Variants in TENM2 observed in about 807,000 individuals in gnomAD.
The protein encoded by TENM2 is teneurin transmembrane protein 2, also known as teneurin-2.
In TENM2, 52 loss-of-function variants were observed where a neutral mutation model predicts 245.2. That is an observed-to-expected ratio of 0.21 (90% confidence interval 0.17 to 0.27). The LOEUF is 0.27. Among genes scored for constraint, TENM2 ranks in the 10% least tolerant of loss-of-function variants. The pLI is 1.00. For missense variants in TENM2, 3,046 were observed against 3,666.8 expected, an observed-to-expected ratio of 0.83 and a Z score of 4.37; for synonymous variants, 1,363 against 1,438.9, an observed-to-expected ratio of 0.95 and a Z score of 1.19.
At chr5:167,782,957 T>G (rs1327370667) in intron 2 of TENM2, among the ~76,000 whole-genome samples, 2 of 152,218 alleles carry the variant, frequency 1.3e-5, no homozygotes, top group Non-Finnish European at 1.5e-5. Flanking sequence ...CTAGAAGCAG[T>G]GGCTTTCCTC....
At chr5:167,324,830 AG>A (rs1489616988) in intron 1 of TENM2, among the ~76,000 whole-genome samples, 33 of 152,208 alleles carry the variant, frequency 2.2e-4, no homozygotes, top group Admixed American at 2.6e-4. Context: ...AATGATTTAT[AG>A]GAAAAAAGAA....
At chr5:167,173,787 G>A in the TENM2 span, among the ~76,000 whole-genome samples, 1 of 151,612 alleles carries the variant, frequency 6.6e-6, no homozygotes, top group Admixed American at 6.6e-5. Flanking sequence ...TAGTGCCCTA[G>A]GTAAGTTGCA....
At chr5:167,973,220 C>CT (rs557928555) in intron 4 of TENM2, among the ~76,000 whole-genome samples, 6 of 152,278 alleles carry the variant, frequency 3.9e-5, no homozygotes, top group Non-Finnish European at 7.4e-5. Flanking sequence ...GGAAGACAGC[C>CT]TTTTTTGTGA....
At chr5:167,512,021 G>T (rs1402405210) in intron 2 of TENM2, among the ~76,000 whole-genome samples, 1 of 152,160 alleles carries the variant, frequency 6.6e-6, no homozygotes, top group African/African-American at 2.4e-5. Context: ...CATGTGAGTT[G>T]TGTGATGTTC....
intron 13 of TENM2, among the ~76,000 whole-genome samples, chr5:168,176,746 G>A (rs924234966): frequency 1.3e-5 from 2 of 152,174 alleles, no homozygotes; most frequent in South Asian, 2.1e-4. Flanking sequence ...ATGAGTAAAA[G>A]CTTTCACGAG....
At chr5:167,976,150 C>T (rs1194178878) in intron 4 of TENM2, among the ~76,000 whole-genome samples, 1 of 151,640 alleles carries the variant, frequency 6.6e-6, no homozygotes, top group Non-Finnish European at 1.5e-5. Flanking sequence ...TCCTTCCTTC[C>T]TTCATCCATC....
At chr5:167,704,095 T>C (rs1758344226) in intron 2 of TENM2, among the ~76,000 whole-genome samples, 2 of 152,178 alleles carry the variant, frequency 1.3e-5, no homozygotes, top group South Asian at 2.1e-4. Flanking sequence ...GTGGTGGAAA[T>C]TGGCCGTGGT....
In TENM2 at chr5:168,244,531, C is replaced by T. The variant is rs1285887370; in HGVS notation, c.5632C>T (p.Arg1878Cys). 8 of 1,612,212 alleles carry T rather than the reference C, an allele frequency of 5.0e-6. No homozygotes were observed. The highest frequency in any genetic ancestry group is 2.7e-5 in the African/African-American group (2 of 74,898). Residue 1878 changes from arginine to cysteine, a missense_variant, in exon 26 of 29, where the codon CGC (arginine) becomes TGC (cysteine). This residue lies in a region of TENM2 where 2,704 missense variants were observed against 3,331.9 expected (regional missense o/e 0.81). Transcript: ENST00000518659. The surrounding 1 kb of genome is among the most constrained non-coding windows in gnomAD (Gnocchi z 4.9). The stretch of plus-strand genomic sequence containing the variant: ...GAGGATCATTTATGACCAGGTGGGC[C>T]GCCCCTTCCTCTGGCTGCCCAGCAG...
intron 2 of TENM2, among the ~76,000 whole-genome samples, chr5:167,398,336 T>TC (rs1480198860): frequency 6.6e-6 from 1 of 151,814 alleles, no homozygotes; most frequent in East Asian, 1.9e-4. Flanking sequence ...CCTTATTCTT[T>TC]CCTTCTTTCT....
At chr5:167,068,856 T>C in the TENM2 span, among the ~76,000 whole-genome samples, 30 of 152,354 alleles carry the variant, frequency 2.0e-4, no homozygotes, top group Admixed American at 1.8e-3. Flanking sequence ...CTGTATTAAG[T>C]AATAGAGAGA....
At chr5:167,538,863 G>A (rs950886758) in intron 2 of TENM2, among the ~76,000 whole-genome samples, 7 of 152,128 alleles carry the variant, frequency 4.6e-5, no homozygotes, top group Admixed American at 1.3e-4. Flanking sequence ...ATGTCGAAAC[G>A]CAGAAGGCAA....
intron 2 of TENM2, among the ~76,000 whole-genome samples, chr5:167,738,319 T>C (rs895157496): frequency 1.3e-5 from 2 of 152,196 alleles, no homozygotes; most frequent in African/African-American, 4.8e-5. Context: ...GCTTACATGG[T>C]GTTAGATCAG....
At chr5:167,567,052 TA>T (rs34720820) in intron 2 of TENM2, among the ~76,000 whole-genome samples, 80,051 of 151,922 alleles carry the variant, frequency 0.53, 22,531 homozygotes, top group Middle Eastern at 0.66. Flanking sequence ...ATAATTATAA[TA>T]AGCCAATAAA....
intron 27 of TENM2, among the ~76,000 whole-genome samples, chr5:168,250,080 C>A (rs1412106759): frequency 3.3e-5 from 5 of 151,424 alleles, no homozygotes; most frequent in Non-Finnish European, 5.9e-5. Flanking sequence ...GGATGGCTGA[C>A]TGGATGGCTG....
At chr5:168,169,887 C>T (rs1758644450) in intron 13 of TENM2, among the ~76,000 whole-genome samples, 1 of 152,192 alleles carries the variant, frequency 6.6e-6, no homozygotes, top group South Asian at 2.1e-4. Context: ...GACCTTGTGG[C>T]AAATGTAGCT....
At chr5:167,338,789 GCAGACATGCTCAGGTT>G (rs1398033019) in intron 1 of TENM2, among the ~76,000 whole-genome samples, 1 of 152,192 alleles carries the variant, frequency 6.6e-6, no homozygotes. Context: ...AGATAAGGGT[GCAGACATGCTCAGGTT>G]CTGGTGAGGA....
At chr5:168,112,615 G>GGT (rs1554199729) in intron 9 of TENM2, among the ~76,000 whole-genome samples, 3 of 112,936 alleles carry the variant, frequency 2.7e-5, no homozygotes, top group East Asian at 2.5e-4. Context: ...GCGGGGGGGG[G>GGT]GTCAAACTTT....
chr5:167,569,201 G>A (rs1455704657), intron 2 of TENM2, among the ~76,000 whole-genome samples: 1 of 145,152 alleles, frequency 6.9e-6, no homozygotes, highest in African/African-American at 2.5e-5. Flanking sequence ...TAATTTTGAT[G>A]ATTTTCGTGG....
At chr5:167,396,982 TC>T (rs1410746203) in intron 2 of TENM2, among the ~76,000 whole-genome samples, 5 of 152,124 alleles carry the variant, frequency 3.3e-5, no homozygotes, top group African/African-American at 1.2e-4. Context: ...TGGAGAAATA[TC>T]CCCAATCTAT....
Sources: gnomAD v4.1 joint callset for allele counts (sites outside exome capture counted in the v4.1 genomes callset) on GRCh38, gnomAD v4.1.1 for gene constraint, gnomAD v4.1.1 regional missense constraint, Gnocchi (gnomAD v3.1) non-coding constraint, MANE v1.5 for transcripts, NCBI Gene and HGNC (gene_info 2026-07-23, HGNC 2026-07-21) for gene names.